The following ABCB11 variants were observed in gnomAD, a reference collection of about 807,000 sequenced individuals.
ABCB11 encodes the protein bile salt export pump.
A neutral mutation model predicts 148.0 loss-of-function variants in ABCB11; 95 were observed. The observed-to-expected ratio is 0.64, with a 90% CI of 0.54 to 0.76. The LOEUF is 0.76. Among genes scored for constraint, ABCB11 ranks in the 30% least tolerant of loss-of-function variants. The pLI, the probability that ABCB11 is intolerant of heterozygous loss-of-function variation, is 0.00. For synonymous variants in ABCB11, 591 were observed against 555.4 expected, an observed-to-expected ratio of 1.06 and a Z score of -0.90; for missense variants, 1,523 against 1,617.8, an observed-to-expected ratio of 0.94 and a Z score of 1.01.
intron 1 of ABCB11, among the ~76,000 whole-genome samples, chr2:169,023,670 C>A (rs1185329230): frequency 6.6e-6 from 1 of 152,108 alleles, no homozygotes; most frequent in Non-Finnish European, 1.5e-5. Flanking sequence ...TGTATGATAC[C>A]ATTTATGTAA....
chr2:168,971,725 T>A (rs1327188430), intron 14 of ABCB11, 122 bp downstream of exon 14: 2 of 945,810 alleles, frequency 2.1e-6, no homozygotes, highest in Non-Finnish European at 3.2e-6. Context: ...GGCATGAAAC[T>A]AAAACATGGC....
chr2:168,982,784 G>A (rs763879443), intron 10 of ABCB11, among the ~76,000 whole-genome samples: 16 of 150,270 alleles, frequency 1.1e-4, no homozygotes, highest in Admixed American at 5.3e-4. Flanking sequence ...GAGAGCGAGC[G>A]AGAGAGAGAG....
At chr2:169,029,420 A>G (rs1695794407) in intron 1 of ABCB11, among the ~76,000 whole-genome samples, 2 of 152,192 alleles carry the variant, frequency 1.3e-5, no homozygotes, top group Admixed American at 6.5e-5. Flanking sequence ...AATATATGCT[A>G]AGAAACAAAG....
intron 12 of ABCB11, among the ~76,000 whole-genome samples, chr2:168,975,855 T>G (rs1337217508): frequency 6.8e-6 from 1 of 146,076 alleles, no homozygotes; most frequent in Non-Finnish European, 1.5e-5. Context: ...TAAGTTAGGC[T>G]AACAAAATGG....
intron 1 of ABCB11, among the ~76,000 whole-genome samples, chr2:169,026,649 T>C (rs1236956187): frequency 2.6e-5 from 4 of 152,192 alleles, no homozygotes; most frequent in African/African-American, 9.7e-5. Flanking sequence ...ATGTAGAATA[T>C]ATATCTGATA....
chr2:168,952,691 G>T (rs62171006), intron 19 of ABCB11, among the ~76,000 whole-genome samples: 8,305 of 37,972 alleles, frequency 0.22, 371 homozygotes, highest in South Asian at 0.33. Flanking sequence ...TTTTTTTTTT[G>T]TTTGTTTCTA....
chr2:168,915,494 A>G (rs1690924403), downstream of ABCB11, among the ~76,000 whole-genome samples: 1 of 152,260 alleles, frequency 6.6e-6, no homozygotes, highest in Non-Finnish European at 1.5e-5. Context: ...AACAAACACA[A>G]TTACAAAAAA....
At chr2:168,915,717 C>T (rs915553520) in intron 2 of ABCB11, among the ~76,000 whole-genome samples, 4 of 152,188 alleles carry the variant, frequency 2.6e-5, no homozygotes, top group African/African-American at 9.7e-5. Context: ...GGGGAAGAGA[C>T]TCAGGTTTTC....
chr2:168,924,266 A>G (rs1351583104), intron 27 of ABCB11, among the ~76,000 whole-genome samples: 1 of 152,194 alleles, frequency 6.6e-6, no homozygotes, highest in African/African-American at 2.4e-5. Context: ...ATCTTCTTTC[A>G]TGCAAACCAC....
intron 19 of ABCB11, among the ~76,000 whole-genome samples, chr2:168,947,121 A>G (rs1368969268): frequency 6.6e-6 from 1 of 151,804 alleles, no homozygotes; most frequent in African/African-American, 2.4e-5. Flanking sequence ...GAAGGAGAAA[A>G]CTAACATTCA....
At chr2:168,994,380 G>A (rs1694647861) in intron 7 of ABCB11, among the ~76,000 whole-genome samples, 1 of 152,068 alleles carries the variant, frequency 6.6e-6, no homozygotes, top group African/African-American at 2.4e-5. Context: ...TCTGCATATA[G>A]GCAGTATAGA....
chr2:168,923,694 C>T lies in ABCB11; in HGVS notation c.3894G>A (p.Gly1298=), dbSNP rs368858732. Residue 1298 remains glycine (G), a synonymous_variant, in exon 28 of 28, where the codon GGG becomes GGA. Coordinates refer to ENST00000650372, the MANE Select transcript of ABCB11 (RefSeq NM_003742.4). The part of the protein sequence containing the change: ...VMAQGVVIEK[G]THEELMAQKG... Reference sequence around the variant, plus strand: ...TTTGGGCCATCAGTTCTTCATGGGTCCCCTTTTCAATCACCACCCCCTGTG... The same window carrying T: ...TTTGGGCCATCAGTTCTTCATGGGTTCCCTTTTCAATCACCACCCCCTGTG... The T allele has an allele frequency of 3.5e-5, 56 of 1,613,600 alleles. No homozygotes were observed. Among genetic ancestry groups the T allele is most frequent in the Non-Finnish European group, 4.4e-5 (52 of 1,179,846 alleles).
chr2:168,955,011 T>C (rs567301778), intron 19 of ABCB11, among the ~76,000 whole-genome samples: 69 of 151,840 alleles, frequency 4.5e-4, no homozygotes, highest in African/African-American at 1.6e-3. Flanking sequence ...TCTGAAATTC[T>C]TATCTCTGCT....
chr2:168,932,410 T>G lies in ABCB11; in HGVS notation c.3180A>C (p.Pro1060=), dbSNP rs1258923805. ...CACCTGCAGTATTGTATACACTGATTGGGGGTTGTCGGTCCAGCAGTTGAA... is the reference window on the plus strand; with the variant it reads ...CACCTGCAGTATTGTATACACTGATGGGGGGTTGTCGGTCCAGCAGTTGAA... ...RFFQLLDRQP[P]ISVYNTAGEK... The change falls in exon 24 of 28, where the codon CCA becomes CCC. Residue 1060 remains proline (P), a synonymous_variant. Coordinates refer to ENST00000650372, the MANE Select transcript of ABCB11 (RefSeq NM_003742.4). The G allele has an allele frequency of 6.3e-7, 1 of 1,580,806 alleles. No homozygotes were observed. The highest frequency in any genetic ancestry group is 1.8e-5 in the Admixed American group (1 of 54,374).
chr2:169,016,843 T>A lies in ABCB11; in HGVS notation c.77-44A>T, dbSNP rs778155531. Reference sequence around the variant, plus strand: ...AACGCAAAAAAGCAGTTAATAATAATGACAAAATGCAACGCAGTCATTAAG... The same window carrying A: ...AACGCAAAAAAGCAGTTAATAATAAAGACAAAATGCAACGCAGTCATTAAG... On this transcript the variant is annotated intron_variant, in intron 2 of 27. Transcript: ENST00000650372. 4 of 1,475,000 alleles carry A rather than the reference T, an allele frequency of 2.7e-6. No homozygotes were observed. The South Asian group carries it at 3.7e-5, about 14-fold the overall frequency. The allele number at this position is 1,475,000 out of a possible 1,614,324, so 91.4% of individuals were successfully genotyped here. A position where few individuals can be genotyped will look rare whatever the true frequency, so the allele number is the denominator to read the frequency against.
rs529502739 is a variant in ABCB11, at chr2:169,029,951, A to G, written c.-28+1274T>C. On this transcript the variant is annotated intron_variant, in intron 1 of 27. Transcript: ENST00000650372. ...GAGACGGGGTTTCACCGTGTTAGCC[A>G]GGATGGTCTCGATCTCTTGACCTCA... Among the ~76,000 whole-genome samples, 6 of 123,368 alleles carry G rather than the reference A, an allele frequency of 4.9e-5. 1 individual carries two copies. The highest frequency in any genetic ancestry group is 8.0e-5 in the Admixed American group (1 of 12,526). The allele number at this position is 123,368 out of a possible 152,430, so 80.9% of individuals were successfully genotyped here. A position where few individuals can be genotyped will look rare whatever the true frequency, so the allele number is the denominator to read the frequency against.
intron 14 of ABCB11, among the ~76,000 whole-genome samples, chr2:168,970,763 T>A (rs1693549734): frequency 1.3e-5 from 2 of 152,022 alleles, no homozygotes; most frequent in Non-Finnish European, 2.9e-5. Flanking sequence ...CCAACATGAA[T>A]TGAGCCCCTA....
At chr2:168,945,900 T>C (rs982570462) in intron 19 of ABCB11, among the ~76,000 whole-genome samples, 6 of 151,908 alleles carry the variant, frequency 3.9e-5, no homozygotes, top group Non-Finnish European at 5.9e-5. Flanking sequence ...CATCTGATAT[T>C]GAGGTTGTTG....
At chr2:168,951,697 G>T (rs1692577513) in intron 19 of ABCB11, among the ~76,000 whole-genome samples, 1 of 151,398 alleles carries the variant, frequency 6.6e-6, no homozygotes, top group African/African-American at 2.4e-5. Flanking sequence ...CAGTAAACAG[G>T]GATAATTTGG....
Sources: gnomAD v4.1 joint callset for allele counts (sites outside exome capture counted in the v4.1 genomes callset) on GRCh38, gnomAD v4.1.1 for gene constraint, MANE v1.5 for transcripts, NCBI Gene and HGNC (gene_info 2026-07-23, HGNC 2026-07-21) for gene names.